Variants in AREL1 observed in about 807,000 individuals in gnomAD.
AREL1 encodes the protein apoptosis-resistant E3 ubiquitin protein ligase 1.
A neutral mutation model predicts 99.0 loss-of-function variants in AREL1; 62 were observed. The ratio of observed to expected loss-of-function variants is 0.63; its 90% CI spans 0.51 to 0.77. The LOEUF (loss-of-function observed/expected upper bound fraction) is 0.77. AREL1 is among the 30% of genes least tolerant of loss of function. The pLI, the probability that AREL1 is intolerant of heterozygous loss-of-function variation, is 0.00. For missense variants in AREL1, 879 were observed against 1,027.6 expected (o/e 0.86, Z 1.98); for synonymous variants, 380 against 376.5 (o/e 1.01, Z -0.11).
chr14:74,693,436 C>A (rs2089923557), intron 1 of AREL1, among the ~76,000 whole-genome samples: 1 of 152,068 alleles, frequency 6.6e-6, no homozygotes, highest in African/African-American at 2.4e-5. Context: ...AAAAATGTAG[C>A]AGAAAGGGGG....
chr14:74,709,405 A>G (rs2139999385), intron 1 of AREL1, among the ~76,000 whole-genome samples: 1 of 152,392 alleles, frequency 6.6e-6, no homozygotes, highest in South Asian at 2.1e-4. Flanking sequence ...ACTTACAGAA[A>G]GATGAACAAG....
At chr14:74,671,169 C>T (rs1481700236) in intron 12 of AREL1, among the ~76,000 whole-genome samples, 2 of 152,024 alleles carry the variant, frequency 1.3e-5, no homozygotes, top group African/African-American at 4.8e-5. Context: ...ACTCTCTCTC[C>T]AAGTCCCTGT....
At chr14:74,694,710 C>T (rs1187633912) in intron 1 of AREL1, among the ~76,000 whole-genome samples, 1 of 152,038 alleles carries the variant, frequency 6.6e-6, no homozygotes, top group Non-Finnish European at 1.5e-5. Context: ...TATAAAGAGG[C>T]TGGGCACGGT....
At chr14:74,678,952 A>G (rs963133041) in intron 5 of AREL1, among the ~76,000 whole-genome samples, 2 of 152,098 alleles carry the variant, frequency 1.3e-5, no homozygotes. Context: ...GTGTAGTGGC[A>G]AGATCACAGC....
chr14:74,703,802 A>C (rs1053233053), intron 1 of AREL1, among the ~76,000 whole-genome samples: 8 of 152,354 alleles, frequency 5.3e-5, no homozygotes, highest in Middle Eastern at 3.4e-3. Flanking sequence ...TATGAACATT[A>C]AGCTACAAGT....
At chr14:74,688,019 CTTTTTTT>C (rs764034669) in intron 2 of AREL1, among the ~76,000 whole-genome samples, 30 of 108,716 alleles carry the variant, frequency 2.8e-4, no homozygotes, top group Middle Eastern at 5.1e-3. Flanking sequence ...TGAGTACTTA[CTTTTTTT>C]TTTTTTTTTT....
chr14:74,704,328 G>T (rs1278515391), intron 1 of AREL1, among the ~76,000 whole-genome samples: 3 of 152,170 alleles, frequency 2.0e-5, no homozygotes, highest in Non-Finnish European at 4.4e-5. Context: ...CTGACGACAT[G>T]TGCCCAAGGT....
At chr14:74,685,497 T>A in intron 3 of AREL1, 103 bp downstream of exon 3, 1 of 1,367,952 alleles carries the variant, frequency 7.3e-7, no homozygotes. Flanking sequence ...ACTAGAAATA[T>A]TTTCAGCTCC....
At chr14:74,690,489 C>A (rs2089854285) in intron 2 of AREL1, among the ~76,000 whole-genome samples, 1 of 152,118 alleles carries the variant, frequency 6.6e-6, no homozygotes, top group Admixed American at 6.5e-5. Flanking sequence ...CTAAAAGTTG[C>A]CAATTTAATT....
Position 74,664,929 on chromosome 14 carries a change from GA to G in AREL1, c.2104-5del, listed in dbSNP as rs1566676738. The G allele has an allele frequency of 1.2e-6, 2 of 1,612,152 alleles. No homozygotes were observed. The highest frequency in any genetic ancestry group is 1.7e-5 in the Admixed American group (1 of 59,938). On this transcript the variant is annotated splice_region_variant and splice_polypyrimidine_tract_variant and intron_variant, in intron 17 of 19. Coordinates refer to ENST00000356357, the MANE Select transcript of AREL1 (RefSeq NM_001039479.2). ...CTCCAGTCCCACACATCAGCAGCTG[GA>G]AAAAGATGGTAAGGTGTTACTATGA...
chr14:74,663,589 C>T lies in AREL1; in HGVS notation c.*131G>A. The stretch of plus-strand genomic sequence containing the variant: ...CAAGGCTTGTAGGTGACAAAATCCT[C>T]CAGACACAGGGGAGCATGCGGCATC... On this transcript the variant is annotated 3_prime_UTR_variant, in exon 20 of 20. Transcript: ENST00000356357. The T allele has an allele frequency of 4.1e-6, 4 of 970,100 alleles. No individual in the cohort carries two copies. Among genetic ancestry groups the T allele is most frequent in the Non-Finnish European group, 6.5e-6 (4 of 613,454 alleles). 60.1% of individuals were successfully genotyped at this position (970,100 alleles called of 1,614,324 possible). A position where few individuals can be genotyped will look rare whatever the true frequency, so the allele number is the denominator to read the frequency against.
intron 4 of AREL1, among the ~76,000 whole-genome samples, chr14:74,683,949 G>T (rs1466651318): frequency 6.6e-6 from 1 of 152,150 alleles, no homozygotes; most frequent in African/African-American, 2.4e-5. Context: ...AGGTAGGAGG[G>T]GTTCAGACTC....
At chr14:74,670,317 T>A (rs2089305910) in intron 13 of AREL1, among the ~76,000 whole-genome samples, 191 bp from the exon 14 acceptor site, 1 of 152,130 alleles carries the variant, frequency 6.6e-6, no homozygotes. Flanking sequence ...AGGGCAAAGG[T>A]GGACATAATT....
intron 1 of AREL1, among the ~76,000 whole-genome samples, chr14:74,703,810 A>C (rs1029687478): frequency 3.3e-5 from 5 of 152,320 alleles, no homozygotes; most frequent in African/African-American, 9.6e-5. Context: ...TTAAGCTACA[A>C]GTCTGTGTAG....
intron 1 of AREL1, among the ~76,000 whole-genome samples, chr14:74,710,582 C>G (rs960294651): frequency 2.0e-5 from 3 of 152,036 alleles, no homozygotes; most frequent in Non-Finnish European, 2.9e-5. Flanking sequence ...GTCTAATCAC[C>G]AAGAGATACA....
chr14:74,669,612 A>G (rs747731381), intron 15 of AREL1, 37 bp downstream of exon 15: 113 of 1,603,052 alleles, frequency 7.0e-5, no homozygotes, highest in Non-Finnish European at 9.1e-5. Context: ...AGGAAACTGG[A>G]GAACATAGGA....
chr14:74,692,573 G>A (rs1019376543), intron 1 of AREL1, among the ~76,000 whole-genome samples: 1 of 152,166 alleles, frequency 6.6e-6, no homozygotes, highest in Non-Finnish European at 1.5e-5. Flanking sequence ...TATGTCTCCG[G>A]CTGAGAAGTG....
In AREL1 at chr14:74,692,116, T is replaced by A. The variant is rs917841549; in HGVS notation, c.-121A>T. 3 of 441,598 alleles carry A rather than the reference T, an allele frequency of 6.8e-6. No homozygotes were observed. Among genetic ancestry groups the A allele is most frequent in the African/African-American group, 6.2e-5 (3 of 48,768 alleles). The allele number at this position is 441,598 out of a possible 1,614,324, so 27.4% of individuals were successfully genotyped here. On this transcript the variant is annotated 5_prime_UTR_variant, in exon 2 of 20. Transcript: ENST00000356357. ...CCAAAGCAGGTAACTTTTGGCCCCT[T>A]TCACCTTGTCTTCCAACTTCCACAT...
chr14:74,703,810 A>T (rs1029687478), intron 1 of AREL1, among the ~76,000 whole-genome samples: 1 of 152,202 alleles, frequency 6.6e-6, no homozygotes, highest in African/African-American at 2.4e-5. Flanking sequence ...TTAAGCTACA[A>T]GTCTGTGTAG....
Sources: gnomAD v4.1 joint callset for allele counts (sites outside exome capture counted in the v4.1 genomes callset) on GRCh38, gnomAD v4.1.1 for gene constraint, MANE v1.5 for transcripts, NCBI Gene and HGNC (gene_info 2026-07-23, HGNC 2026-07-21) for gene names.